Variants in TMEM132D observed in about 807,000 individuals in gnomAD.
TMEM132D encodes the protein transmembrane protein 132D, also known as mature OL transmembrane protein.
Under a neutral mutation model 62.3 loss-of-function variants are expected in TMEM132D, and 21 were observed. The ratio of observed to expected loss-of-function variants is 0.34; its 90% CI spans 0.24 to 0.49. TMEM132D has a LOEUF of 0.49. Among genes scored for constraint, TMEM132D ranks in the 20% least tolerant of loss-of-function variants. The probability of loss-of-function intolerance (pLI) is 0.99; values close to 1 mark genes in which losing one functional copy is unlikely to be tolerated. For synonymous variants in TMEM132D, 621 were observed against 575.6 expected (o/e 1.08, Z -1.13); for missense variants, 1,346 against 1,402.8 (o/e 0.96, Z 0.65).
At position 129,318,429 on chromosome 12, in the gene TMEM132D, C is replaced by T. The variant is rs139881894; in HGVS notation, c.1299+19205G>A. 3.0e-3 allele frequency among the ~76,000 whole-genome samples: 458 copies of T among 152,228 alleles called. 3 individuals carry two copies. Among genetic ancestry groups the T allele is most frequent in the African/African-American group, 0.01 (434 of 41,542 alleles). On this transcript the variant is annotated intron_variant, in intron 4 of 8. Transcript: ENST00000422113. Reference sequence around the variant, plus strand: ...ATTGTCTCTCTTCTGAGTCTAGCCACCCAGTGAGTCTACCTGGCTCCGGGC... The same window carrying T: ...ATTGTCTCTCTTCTGAGTCTAGCCATCCAGTGAGTCTACCTGGCTCCGGGC...
At chr12:129,796,121 G>A (rs905945395) in intron 1 of TMEM132D, among the ~76,000 whole-genome samples, 2 of 152,006 alleles carry the variant, frequency 1.3e-5, no homozygotes, top group African/African-American at 4.8e-5. Context: ...GGTTGCTTGA[G>A]CCCAGGAGTT....
At position 129,867,086 on chromosome 12, in the gene TMEM132D, T is replaced by A. The variant is rs1012608969; in HGVS notation, c.79+36175A>T. ...AACACGGAAAAACCCCAAAACCCTG[T>A]CTCTACAAAAAAAAAATACAGAAAT... On this transcript the variant is annotated intron_variant, in intron 1 of 8. Coordinates refer to ENST00000422113, the MANE Select transcript of TMEM132D (RefSeq NM_133448.3). The surrounding 1 kb of genome is among the most constrained non-coding windows in gnomAD (Gnocchi z 4.5). Among the ~76,000 whole-genome samples, 2 of 73,382 alleles carry A rather than the reference T, an allele frequency of 2.7e-5. No homozygotes were observed. Among genetic ancestry groups the A allele is most frequent in the African/African-American group, 7.0e-5 (2 of 28,620 alleles). The allele number at this position is 73,382 out of a possible 152,430, so 48.1% of individuals were successfully genotyped here.
chr12:129,140,190 C>T (rs1876697696), intron 5 of TMEM132D, among the ~76,000 whole-genome samples: 1 of 148,050 alleles, frequency 6.8e-6, no homozygotes, highest in Non-Finnish European at 1.5e-5. Flanking sequence ...TAAAATTTAT[C>T]AAGGGAGATT....
intron 1 of TMEM132D, among the ~76,000 whole-genome samples, chr12:129,747,678 C>T (rs1023011072): frequency 6.6e-6 from 1 of 150,958 alleles, no homozygotes; most frequent in African/African-American, 2.4e-5. Context: ...TTCAGACACA[C>T]ACAGACATGC....
At chr12:129,591,242 C>G (rs1283088339) in intron 2 of TMEM132D, among the ~76,000 whole-genome samples, 3 of 152,156 alleles carry the variant, frequency 2.0e-5, no homozygotes, top group African/African-American at 7.2e-5. Context: ...TCATGGCTTC[C>G]AAAGATTCGT....
At chr12:129,284,374 A>C (rs1881237003) in intron 4 of TMEM132D, among the ~76,000 whole-genome samples, 1 of 152,266 alleles carries the variant, frequency 6.6e-6, no homozygotes, top group Admixed American at 6.5e-5. Context: ...TGCAAGAATA[A>C]TAAGAGTCAT....
chr12:129,833,470 C>CA (rs1445864649), intron 1 of TMEM132D, among the ~76,000 whole-genome samples: 1 of 151,408 alleles, frequency 6.6e-6, no homozygotes, highest in Non-Finnish European at 1.5e-5. Context: ...AAAACAAAAA[C>CA]AAAAAACAGC....
In TMEM132D at chr12:129,845,233, G is replaced by A. The variant is rs144700304; in HGVS notation, c.79+58028C>T. Among the ~76,000 whole-genome samples the A allele has an allele frequency of 1.8e-4, 27 of 152,118 alleles. No individual in the cohort carries two copies. In the East Asian group the frequency reaches 5.2e-3, roughly 29 times the overall value. On this transcript the variant is annotated intron_variant, in intron 1 of 8. Transcript: ENST00000422113. The stretch of plus-strand genomic sequence containing the variant: ...ATCTGTTTTGTGGCTAATATCCCAG[G>A]GCTAACTAATAATCAAAACAACACT...
intron 2 of TMEM132D, among the ~76,000 whole-genome samples, chr12:129,621,988 G>C (rs925487862): frequency 1.3e-5 from 2 of 152,180 alleles, no homozygotes; most frequent in Admixed American, 6.5e-5. Context: ...TGGAAAAGGA[G>C]AGAAGGTTGT....
intron 4 of TMEM132D, among the ~76,000 whole-genome samples, chr12:129,232,924 C>G (rs1040303916): frequency 6.6e-6 from 1 of 151,842 alleles, no homozygotes; most frequent in Non-Finnish European, 1.5e-5. Flanking sequence ...AGAACAGCAC[C>G]GGGGAAATCA....
At chr12:129,264,160 A>G (rs571418428) in intron 4 of TMEM132D, among the ~76,000 whole-genome samples, 1 of 152,348 alleles carries the variant, frequency 6.6e-6, no homozygotes, top group Non-Finnish European at 1.5e-5. Context: ...AGGCCAAGGC[A>G]GGTGGATCGC....
At chr12:129,801,284 A>C (rs1028367414) in intron 1 of TMEM132D, among the ~76,000 whole-genome samples, 2 of 152,042 alleles carry the variant, frequency 1.3e-5, no homozygotes, top group Non-Finnish European at 2.9e-5. Flanking sequence ...ACAAATAAAA[A>C]GACAACAGTC....
At chr12:129,186,598 C>A (rs970075358) in intron 5 of TMEM132D, among the ~76,000 whole-genome samples, 1 of 152,186 alleles carries the variant, frequency 6.6e-6, no homozygotes, top group Admixed American at 6.5e-5. Flanking sequence ...TGGAGCCAGA[C>A]TGCCTGGGTT....
At chr12:129,134,576 G>A (rs1876501093) in intron 5 of TMEM132D, among the ~76,000 whole-genome samples, 1 of 152,120 alleles carries the variant, frequency 6.6e-6, no homozygotes, top group African/African-American at 2.4e-5. Context: ...TCTTACAGAG[G>A]CCAGTTGACT....
At chr12:129,459,617 T>C (rs941333083) in intron 3 of TMEM132D, among the ~76,000 whole-genome samples, 2 of 152,228 alleles carry the variant, frequency 1.3e-5, no homozygotes, top group African/African-American at 4.8e-5. Flanking sequence ...TGTTTCTGAA[T>C]TTTAAGGGAT....
intron 5 of TMEM132D, among the ~76,000 whole-genome samples, chr12:129,107,868 T>A (rs11060135): frequency 0.012 from 1,831 of 149,040 alleles, 36 homozygotes; most frequent in African/African-American, 0.035. Flanking sequence ...TTTTTTTTTT[T>A]TATTTGTAGA....
At chr12:129,444,479 T>C (rs1240211780) in intron 3 of TMEM132D, among the ~76,000 whole-genome samples, 1 of 152,140 alleles carries the variant, frequency 6.6e-6, no homozygotes, top group African/African-American at 2.4e-5. Context: ...TTTATTTTAT[T>C]TAAGTTCTGG....
At chr12:129,548,751 A>G (rs1347859236) in intron 2 of TMEM132D, among the ~76,000 whole-genome samples, 1 of 152,168 alleles carries the variant, frequency 6.6e-6, no homozygotes, top group East Asian at 1.9e-4. Context: ...CCCCCTTCCA[A>G]CCCAGGTGAA....
At chr12:129,213,833 G>A (rs995956938) in intron 4 of TMEM132D, among the ~76,000 whole-genome samples, 11 of 152,260 alleles carry the variant, frequency 7.2e-5, no homozygotes, top group South Asian at 2.1e-4. Flanking sequence ...CCTCCAACCC[G>A]GGGGATCACA....
Sources: allele counts gnomAD v4.1 joint callset (sites outside exome capture counted in the v4.1 genomes callset), GRCh38; gene constraint gnomAD v4.1.1; non-coding constraint Gnocchi (gnomAD v3.1); transcripts MANE v1.5; gene names NCBI Gene and HGNC (gene_info 2026-07-23, HGNC 2026-07-21).